Variants in HEMK2 observed in about 807,000 individuals in gnomAD.
HEMK2 encodes the protein methyltransferase HEMK2.
At chr21:28,806,329 T>C in the HEMK2 span, among the ~76,000 whole-genome samples, 2 of 152,242 alleles carry the variant, frequency 1.3e-5, no homozygotes, top group African/African-American at 4.8e-5. Flanking sequence ...ATGTAAAATG[T>C]CATATGCCAT....
At chr21:28,721,544 T>C in the HEMK2 span, among the ~76,000 whole-genome samples, 3 of 152,172 alleles carry the variant, frequency 2.0e-5, no homozygotes, top group East Asian at 5.8e-4. Flanking sequence ...ATGGCTTATA[T>C]GGACTGCATT....
At chr21:28,684,263 T>C in the HEMK2 span, among the ~76,000 whole-genome samples, 4 of 152,242 alleles carry the variant, frequency 2.6e-5, no homozygotes, top group Non-Finnish European at 4.4e-5. Flanking sequence ...GCTTTAATTC[T>C]TTAAAATCTG....
At chr21:28,807,820 A>G in the HEMK2 span, among the ~76,000 whole-genome samples, 1 of 152,176 alleles carries the variant, frequency 6.6e-6, no homozygotes, top group African/African-American at 2.4e-5. Context: ...ATCCTGTAAA[A>G]CTAAATACCT....
At chr21:28,686,427 G>C in the HEMK2 span, among the ~76,000 whole-genome samples, 1 of 152,020 alleles carries the variant, frequency 6.6e-6, no homozygotes, top group Non-Finnish European at 1.5e-5. Flanking sequence ...TAGACATGGG[G>C]TTTCACTGTG....
chr21:28,808,540 T>A, the HEMK2 span, among the ~76,000 whole-genome samples: 1 of 152,118 alleles, frequency 6.6e-6, no homozygotes, highest in Non-Finnish European at 1.5e-5. Flanking sequence ...CTCCTTTTAT[T>A]TGGGTCTTGT....
chr21:28,762,223 C>A, the HEMK2 span, among the ~76,000 whole-genome samples: 1 of 152,062 alleles, frequency 6.6e-6, no homozygotes, highest in African/African-American at 2.4e-5. Context: ...TTTATTAATA[C>A]CATTATTGGC....
chr21:28,639,903 G>C, the HEMK2 span, among the ~76,000 whole-genome samples: 2 of 152,146 alleles, frequency 1.3e-5, no homozygotes, highest in Admixed American at 1.3e-4. Context: ...TAGGAGCAAA[G>C]CCAGATTGAA....
chr21:28,639,414 A>G, the HEMK2 span, among the ~76,000 whole-genome samples: 3 of 152,250 alleles, frequency 2.0e-5, no homozygotes, highest in Admixed American at 1.3e-4. Flanking sequence ...TCTAGTGCCA[A>G]CTAACGACCC....
chr21:28,779,959 T>C, the HEMK2 span, among the ~76,000 whole-genome samples: 2 of 152,178 alleles, frequency 1.3e-5, no homozygotes. Flanking sequence ...TTATTTTTTA[T>C]TAGACATATA....
the HEMK2 span, among the ~76,000 whole-genome samples, chr21:28,804,275 T>C: frequency 6.6e-6 from 1 of 152,226 alleles, no homozygotes; most frequent in East Asian, 1.9e-4. Context: ...AGTTACTATC[T>C]GTGACTTTGG....
the HEMK2 span, among the ~76,000 whole-genome samples, chr21:28,598,593 T>C: frequency 6.6e-6 from 1 of 152,204 alleles, no homozygotes; most frequent in Non-Finnish European, 1.5e-5. Context: ...TTAGCTTATT[T>C]TAATGTGTAT....
At chr21:28,784,981 C>T in the HEMK2 span, among the ~76,000 whole-genome samples, 15 of 152,242 alleles carry the variant, frequency 9.9e-5, no homozygotes, top group South Asian at 8.3e-4. Flanking sequence ...CTCCTGAGGC[C>T]GGTGAGACCA....
chr21:28,588,573 G>GA, the HEMK2 span, among the ~76,000 whole-genome samples: 1 of 152,120 alleles, frequency 6.6e-6, no homozygotes, highest in Non-Finnish European at 1.5e-5. Flanking sequence ...AACAAAAGAA[G>GA]AAAGTCAGTC....
chr21:28,705,665 T>C, the HEMK2 span, among the ~76,000 whole-genome samples: 1 of 152,148 alleles, frequency 6.6e-6, no homozygotes, highest in Admixed American at 6.5e-5. Flanking sequence ...AACCCAAATG[T>C]ATTATCTGAC....
chr21:28,732,420 T>C, the HEMK2 span, among the ~76,000 whole-genome samples: 1 of 152,304 alleles, frequency 6.6e-6, no homozygotes, highest in Non-Finnish European at 1.5e-5. Flanking sequence ...CCAAAGATAA[T>C]ACAGCATGTG....
chr21:28,877,372 G>A, the HEMK2 span, among the ~76,000 whole-genome samples: 8 of 135,122 alleles, frequency 5.9e-5, no homozygotes, highest in Admixed American at 5.4e-4. Flanking sequence ...AGAAGAGAAG[G>A]GAAGGGAAGA....
the HEMK2 span, among the ~76,000 whole-genome samples, chr21:28,828,524 A>C: frequency 6.6e-6 from 1 of 152,336 alleles, no homozygotes; most frequent in Non-Finnish European, 1.5e-5. Flanking sequence ...TTGTAAATAA[A>C]TTGAAGCAGC....
At chr21:28,830,899 T>G in the HEMK2 span, among the ~76,000 whole-genome samples, 6 of 146,724 alleles carry the variant, frequency 4.1e-5, no homozygotes, top group Admixed American at 6.8e-5. Context: ...AAAAAAAGAA[T>G]GGTATCAGAA....
the HEMK2 span, among the ~76,000 whole-genome samples, chr21:28,810,878 C>A: frequency 1.3e-5 from 2 of 152,180 alleles, no homozygotes; most frequent in Non-Finnish European, 2.9e-5. Context: ...GCATCCTCTA[C>A]ATCTGATCTT....
Sources: gnomAD v4.1 joint callset for allele counts (sites outside exome capture counted in the v4.1 genomes callset) on GRCh38, gnomAD v4.1.1 for gene constraint, MANE v1.5 for transcripts, NCBI Gene and HGNC (gene_info 2026-07-23, HGNC 2026-07-21) for gene names.